Variants in IGF1 observed in about 807,000 individuals in gnomAD.
IGF1 encodes insulin like growth factor 1, also known as insulin-like growth factor 1.
IGF1 carries 4 observed loss-of-function variants against 13.8 expected under a neutral mutation model. That is an observed-to-expected ratio of 0.29 (90% CI 0.14 to 0.66). IGF1 has a LOEUF of 0.66. Ranked by LOEUF, IGF1 falls within the 30% of genes least tolerant of loss-of-function variation. The probability of loss-of-function intolerance (pLI) is 0.78; values close to 1 mark genes in which losing one functional copy is unlikely to be tolerated. For missense variants in IGF1, 124 were observed against 188.5 expected (o/e 0.66, Z 2.00); for synonymous variants, 76 against 72.6 (o/e 1.05, Z -0.23).
intron 2 of IGF1, among the ~76,000 whole-genome samples, chr12:102,453,554 G>A (rs1348469515): frequency 1.3e-5 from 2 of 152,120 alleles, no homozygotes; most frequent in Non-Finnish European, 2.9e-5. Flanking sequence ...TCTAATATAA[G>A]TAAGGTTGGG....
chr12:102,425,538 C>T (rs537537680), intron 2 of IGF1, among the ~76,000 whole-genome samples: 39 of 152,264 alleles, frequency 2.6e-4, no homozygotes, highest in African/African-American at 8.7e-4. Context: ...TTTTGTTTCT[C>T]TGAGTCTAAA....
rs1267120199 is a variant in IGF1 at position 102,400,761 on chromosome 12, C to T, written c.*1746G>A. On this transcript the variant is annotated 3_prime_UTR_variant, in exon 4 of 4. Transcript: ENST00000337514. ...CGAGGTTTTACTAGATATGTAGTAA[C>T]TGCATAGAAGAGTCAGTGAGTGCTA... 6.6e-6 allele frequency: 1 copy of T among 152,076 alleles called. No individual in the cohort carries two copies. The highest frequency in any genetic ancestry group is 2.4e-5 in the African/African-American group (1 of 41,408). 9.4% of individuals were successfully genotyped at this position (152,076 alleles called of 1,614,324 possible).
intron 3 of IGF1, among the ~76,000 whole-genome samples, chr12:102,405,101 T>C (rs1035262058): frequency 8.3e-6 from 1 of 120,628 alleles, no homozygotes; most frequent in African/African-American, 2.8e-5. Flanking sequence ...TTCTTTCTTT[T>C]TTTTGAGTTG....
At chr12:102,427,312 T>G (rs1876296627) in intron 2 of IGF1, among the ~76,000 whole-genome samples, 1 of 152,186 alleles carries the variant, frequency 6.6e-6, no homozygotes, top group Non-Finnish European at 1.5e-5. Flanking sequence ...ACACTCTTAT[T>G]GTTATTTTAC....
chr12:102,413,357 A>G (rs371372302), intron 3 of IGF1, among the ~76,000 whole-genome samples: 1 of 152,206 alleles, frequency 6.6e-6, no homozygotes, highest in Non-Finnish European at 1.5e-5. Flanking sequence ...TGCCCAGTGG[A>G]TGTTAATGGA....
intron 2 of IGF1, among the ~76,000 whole-genome samples, chr12:102,452,849 G>A (rs1252958248): frequency 6.6e-6 from 1 of 152,204 alleles, no homozygotes; most frequent in Non-Finnish European, 1.5e-5. Context: ...GAGCAGCAAA[G>A]CAATTTAAGG....
At chr12:102,429,468 C>T (rs1163923873) in intron 2 of IGF1, among the ~76,000 whole-genome samples, 1 of 152,088 alleles carries the variant, frequency 6.6e-6, no homozygotes, top group Non-Finnish European at 1.5e-5. Context: ...CAATCCCCTC[C>T]CCCATGAAAA....
intron 2 of IGF1, 133 bp downstream of exon 2, chr12:102,475,510 G>A: frequency 9.9e-7 from 1 of 1,009,260 alleles, no homozygotes; most frequent in Non-Finnish European, 1.5e-6. Context: ...TTTAAGGTGA[G>A]GAATCTCAGA....
intron 2 of IGF1, among the ~76,000 whole-genome samples, chr12:102,456,885 C>G (rs1354893479): frequency 6.6e-6 from 1 of 152,100 alleles, no homozygotes; most frequent in Non-Finnish European, 1.5e-5. Flanking sequence ...CTAGCCTAGC[C>G]CTCCCTCAAT....
intron 3 of IGF1, among the ~76,000 whole-genome samples, chr12:102,414,539 A>G (rs999878350): frequency 3.3e-5 from 5 of 152,160 alleles, no homozygotes; most frequent in Non-Finnish European, 1.5e-5. Flanking sequence ...CTCATGCCTC[A>G]GCCTCCTGAG....
intron 2 of IGF1, among the ~76,000 whole-genome samples, chr12:102,458,730 C>CAAAAAAAAAAA (rs397825972): frequency 0.093 from 6,565 of 70,786 alleles, 331 homozygotes; most frequent in Non-Finnish European, 0.11. Context: ...GAACACTGAC[C>CAAAAAAAAAAA]AAAAAAAAAA....
At chr12:102,460,039 A>G (rs758002289) in intron 2 of IGF1, among the ~76,000 whole-genome samples, 20 of 152,250 alleles carry the variant, frequency 1.3e-4, no homozygotes, top group Admixed American at 1.2e-3. Context: ...TAAGCCTGCA[A>G]GGGCACACAC....
At chr12:102,470,811 G>T (rs1013534578) in intron 2 of IGF1, among the ~76,000 whole-genome samples, 22 of 152,156 alleles carry the variant, frequency 1.4e-4, no homozygotes, top group African/African-American at 5.1e-4. Context: ...TAATTGAAAA[G>T]GTAATAGGCT....
chr12:102,425,554 T>C (rs1490739988), intron 2 of IGF1, among the ~76,000 whole-genome samples: 1 of 152,230 alleles, frequency 6.6e-6, no homozygotes, highest in Non-Finnish European at 1.5e-5. Flanking sequence ...CTAAAAGGAA[T>C]GAAGCAGAGT....
At chr12:102,404,894 A>G (rs1874007035) in intron 3 of IGF1, among the ~76,000 whole-genome samples, 1 of 149,984 alleles carries the variant, frequency 6.7e-6, no homozygotes, top group Non-Finnish European at 1.5e-5. Context: ...AGTAGCTGGG[A>G]TTACAGACGC....
intron 3 of IGF1, among the ~76,000 whole-genome samples, chr12:102,410,874 A>G (rs1296754138): frequency 6.6e-6 from 1 of 152,224 alleles, no homozygotes; most frequent in East Asian, 1.9e-4. Context: ...AAATAACACT[A>G]TGAGAAGTTA....
intron 2 of IGF1, among the ~76,000 whole-genome samples, chr12:102,438,560 A>C (rs1877440807): frequency 6.6e-6 from 1 of 152,182 alleles, no homozygotes; most frequent in African/African-American, 2.4e-5. Context: ...ACAATAGACC[A>C]CCGGACTCTC....
In IGF1 at chr12:102,444,260, T is replaced by C. The variant is rs1352999126; in HGVS notation, c.221-24570A>G. Among the ~76,000 whole-genome samples, 6 of 152,048 alleles carry C rather than the reference T, an allele frequency of 3.9e-5. No individual in the cohort carries two copies. In the East Asian group the frequency reaches 5.8e-4, roughly 15 times the overall value. On this transcript the variant is annotated intron_variant, in intron 2 of 3. Coordinates refer to ENST00000337514, the MANE Select transcript of IGF1 (RefSeq NM_000618.5). Reference sequence around the variant, plus strand: ...GACACCCAATTTCCTTTTTTTTTTTTCTACCTAACAGTTTTGTCCAGGGCA... The same window carrying C: ...GACACCCAATTTCCTTTTTTTTTTTCCTACCTAACAGTTTTGTCCAGGGCA...
At chr12:102,425,822 G>A (rs552866641) in intron 2 of IGF1, among the ~76,000 whole-genome samples, 29 of 152,314 alleles carry the variant, frequency 1.9e-4, no homozygotes, top group African/African-American at 6.5e-4. Flanking sequence ...GAGGATGAGT[G>A]TCTTGCCAGG....
Sources: allele counts gnomAD v4.1 joint callset (sites outside exome capture counted in the v4.1 genomes callset), GRCh38; gene constraint gnomAD v4.1.1; transcripts MANE v1.5; gene names NCBI Gene and HGNC (gene_info 2026-07-23, HGNC 2026-07-21).